The following RNF224 variants were observed in gnomAD, a reference collection of about 807,000 sequenced individuals.
RNF224 encodes the protein ring finger protein 224.
RNF224 carries 1 observed loss-of-function variant against 2.9 expected under a neutral mutation model. That is an observed-to-expected ratio of 0.35 (90% CI 0.12 to 1.66). RNF224 has a LOEUF of 1.66. RNF224 is among the 40% of genes most tolerant of loss of function. RNF224 has a pLI of 0.35. For missense variants in RNF224, 254 were observed against 221.8 expected (o/e 1.15, Z -0.92); for synonymous variants, 116 against 97.6 (o/e 1.19, Z -1.11).
Position 137,229,242 on chromosome 9 carries a change from A to G in RNF224, c.*156A>G, listed in dbSNP as rs1429096213. The G allele has an allele frequency of 6.6e-6, 4 of 604,654 alleles. No homozygotes were observed. Among genetic ancestry groups the G allele is most frequent in the African/African-American group, 5.6e-5 (3 of 53,984 alleles). 37.5% of individuals were successfully genotyped at this position (604,654 alleles called of 1,614,324 possible). A position where few individuals can be genotyped will look rare whatever the true frequency, so the allele number is the denominator to read the frequency against. ...GGGTGGTGTCATCCCAGCCGTGAAC[A>G]TCCCAGGCCACAGCCTAAGGTTGGG... On this transcript the variant is annotated 3_prime_UTR_variant, in exon 3 of 3. Coordinates refer to ENST00000445101, the MANE Select transcript of RNF224 (RefSeq NM_001190228.2).
chr9:137,228,426 G>C, intron 2 of RNF224, 85 bp downstream of exon 2: 1 of 1,309,650 alleles, frequency 7.6e-7, no homozygotes, highest in Non-Finnish European at 1.0e-6. Context: ...GAGGCTGCCC[G>C]GCTGGTGCCC....
rs1299971441 is a variant in RNF224, at chr9:137,228,708, T to C, written c.93T>C (p.Tyr31=). Reference sequence around the variant, plus strand: ...ACTGCATCATCTGCTGCTCGGCCTATGACCTCTCCGGGCACCTGCCCCGCC... The same window carrying C: ...ACTGCATCATCTGCTGCTCGGCCTACGACCTCTCCGGGCACCTGCCCCGCC... ...RTDCIICCSA[Y]DLSGHLPRRL... Residue 31 remains tyrosine (Y), a synonymous_variant, in exon 3 of 3, where the codon TAT becomes TAC. Coordinates refer to ENST00000445101, the MANE Select transcript of RNF224 (RefSeq NM_001190228.2). 1.3e-6 allele frequency: 2 copies of C among 1,526,722 alleles called. No homozygotes were observed. Among genetic ancestry groups the C allele is most frequent in the Non-Finnish European group, 1.8e-6 (2 of 1,141,124 alleles). 94.6% of individuals were successfully genotyped at this position (1,526,722 alleles called of 1,614,324 possible). A position where few individuals can be genotyped will look rare whatever the true frequency, so the allele number is the denominator to read the frequency against.
At position 137,229,139 on chromosome 9, in the gene RNF224, C is replaced by T. The variant is rs977230445; in HGVS notation, c.*53C>T. ...GAAATGCCTGCCTTGGAACCCCTGA[C>T]CACACACCATCATGGGTTCAGCCCA... is the stretch of plus-strand genomic sequence containing the variant. On this transcript the variant is annotated 3_prime_UTR_variant, in exon 3 of 3. Transcript: ENST00000445101. 8 of 1,062,376 alleles carry T rather than the reference C, an allele frequency of 7.5e-6. No homozygotes were observed. The highest frequency in any genetic ancestry group is 2.6e-5 in the East Asian group (1 of 38,472). 65.8% of individuals were successfully genotyped at this position (1,062,376 alleles called of 1,614,324 possible). A position where few individuals can be genotyped will look rare whatever the true frequency, so the allele number is the denominator to read the frequency against.
chr9:137,228,827 G>A lies in RNF224; in HGVS notation c.212G>A (p.Arg71His), dbSNP rs941378560. The A allele has an allele frequency of 7.8e-5, 119 of 1,535,392 alleles. No individual in the cohort carries two copies. The highest frequency in any genetic ancestry group is 1.7e-4 in the East Asian group (7 of 40,914). ...CGCTGGATCCCCTGTCCGCAGTGCC[G>A]TCAGAGCACGCCCACGCCTCGCGGA... The part of the protein sequence containing the change: ...EQRWIPCPQC[R>H]QSTPTPRGGV... The change falls in exon 3 of 3, where the codon CGT (arginine) becomes CAT (histidine). Residue 71 changes from arginine (R) to histidine (H), a missense_variant. Arg to His is a conservative substitution (Grantham distance 29, BLOSUM62 0). Transcript: ENST00000445101.
intron 1 of RNF224, 119 bp from the exon 2 acceptor site, chr9:137,228,033 A>G (rs28637190): frequency 0.81 from 350,299 of 433,426 alleles, 142,249 homozygotes; most frequent in East Asian, 0.92. Context: ...AAGAGTGGGG[A>G]AATGGACCCC....
intron 1 of RNF224, 106 bp from the exon 2 acceptor site, chr9:137,228,046 G>A: frequency 4.3e-6 from 2 of 469,806 alleles, no homozygotes; most frequent in Admixed American, 8.3e-5. Flanking sequence ...TGGACCCCAA[G>A]GCCAGCCTGG....
Position 137,229,044 on chromosome 9 carries a change from TGGCAGCCTCTGCTGCCCACCCCTA to T in RNF224, c.437_460del (p.Leu146_Ser153del). On this transcript the variant is annotated inframe_deletion, in exon 3 of 3. Transcript: ENST00000445101. ...AGCCCAGATACTGCTGCTGGGGCTG[TGGCAGCCTCTGCTGCCCACCCCTA>T]GGCAGCCCCGAGGTCTGAACTCTGG... The T allele has an allele frequency of 4.6e-6, 7 of 1,533,736 alleles. No individual in the cohort carries two copies. The highest frequency in any genetic ancestry group is 2.0e-5 in the Admixed American group (1 of 50,968).
Position 137,229,125 on chromosome 9 carries a change from C to A in RNF224, c.*39C>A. The A allele has an allele frequency of 8.3e-7, 1 of 1,207,480 alleles. No homozygotes were observed. Among genetic ancestry groups the A allele is most frequent in the Non-Finnish European group, 1.2e-6 (1 of 858,916 alleles). 74.8% of individuals were successfully genotyped at this position (1,207,480 alleles called of 1,614,324 possible). A position where few individuals can be genotyped will look rare whatever the true frequency, so the allele number is the denominator to read the frequency against. On this transcript the variant is annotated 3_prime_UTR_variant, in exon 3 of 3. Transcript: ENST00000445101. ...CCACCCCTGCAGGGGAAATGCCTGCCTTGGAACCCCTGACCACACACCATC... is the reference window on the plus strand; with the variant it reads ...CCACCCCTGCAGGGGAAATGCCTGCATTGGAACCCCTGACCACACACCATC...
At chr9:137,228,586 G>A (rs972261373) in intron 2 of RNF224, 36 bp from the exon 3 acceptor site, 71 of 1,406,402 alleles carry the variant, frequency 5.0e-5, no homozygotes, top group African/African-American at 1.3e-4. Flanking sequence ...GAAGGTCCTC[G>A]AGGCAGGCTG....
In RNF224 at chr9:137,228,450, G is replaced by A. The variant is rs930295808; in HGVS notation, c.6+109G>A. 5 of 1,189,194 alleles carry A rather than the reference G, an allele frequency of 4.2e-6. No individual in the cohort carries two copies. The African/African-American group carries it at 6.2e-5, about 15-fold the overall frequency. The allele number at this position is 1,189,194 out of a possible 1,614,324, so 73.7% of individuals were successfully genotyped here. A position where few individuals can be genotyped will look rare whatever the true frequency, so the allele number is the denominator to read the frequency against. On this transcript the variant is annotated intron_variant, in intron 2 of 2. Transcript: ENST00000445101. Reference sequence around the variant, plus strand: ...CGGCTGGTGCCCACATGAACCAGAAGTGTGCAGACCCTGGTTCTGCCTGTG... The same window carrying A: ...CGGCTGGTGCCCACATGAACCAGAAATGTGCAGACCCTGGTTCTGCCTGTG...
Position 137,228,635 on chromosome 9 carries a change from G to C in RNF224, c.20G>C (p.Gly7Ala). The change falls in exon 3 of 3, where the codon GGA becomes GCA. Residue 7 changes from glycine to alanine, a missense_variant. Gly to Ala is a moderately conservative substitution (Grantham distance 60). Coordinates refer to ENST00000445101, the MANE Select transcript of RNF224 (RefSeq NM_001190228.2). ...TCCCTCTGGCAGGATGCTGCAGCCG[G>C]AGGGCCCCCAGGCCTCGGAGGAGGG... The part of the protein sequence containing the change: MQDAAA[G>A]GPPGLGGGGP... The C allele has an allele frequency of 7.6e-6, 11 of 1,441,914 alleles. No homozygotes were observed. Among genetic ancestry groups the C allele is most frequent in the Middle Eastern group, 2.4e-4 (1 of 4,138 alleles). The allele number at this position is 1,441,914 out of a possible 1,614,324, so 89.3% of individuals were successfully genotyped here. A position where few individuals can be genotyped will look rare whatever the true frequency, so the allele number is the denominator to read the frequency against.
chr9:137,229,349 T>C lies in RNF224; in HGVS notation c.*263T>C. 1 of 537,740 alleles carries C rather than the reference T, an allele frequency of 1.9e-6. No individual in the cohort carries two copies. The highest frequency in any genetic ancestry group is 3.4e-6 in the Non-Finnish European group (1 of 298,004). The allele number at this position is 537,740 out of a possible 1,614,324, so 33.3% of individuals were successfully genotyped here. On this transcript the variant is annotated 3_prime_UTR_variant, in exon 3 of 3. Transcript: ENST00000445101. Reference sequence around the variant, plus strand: ...CAGACCCCAGACTAGCCCGACCGGATGTGCCTGGTGAGGACACTGCTGTCT... The same window carrying C: ...CAGACCCCAGACTAGCCCGACCGGACGTGCCTGGTGAGGACACTGCTGTCT...
At position 137,229,214 on chromosome 9, in the gene RNF224, G is replaced by C. The variant is rs1298183701; in HGVS notation, c.*128G>C. 1.6e-6 allele frequency: 1 copy of C among 628,332 alleles called. No individual in the cohort carries two copies. The highest frequency in any genetic ancestry group is 1.8e-5 in the African/African-American group (1 of 54,612). The allele number at this position is 628,332 out of a possible 1,614,324, so 38.9% of individuals were successfully genotyped here. The stretch of plus-strand genomic sequence containing the variant: ...CCTATACGCAGCTTCGTGTGGCCCA[G>C]CAGGGTGGTGTCATCCCAGCCGTGA... On this transcript the variant is annotated 3_prime_UTR_variant, in exon 3 of 3. Transcript: ENST00000445101.
Position 137,228,180 on chromosome 9 carries a change from C to G in RNF224, c.-156C>G. The G allele has an allele frequency of 1.5e-6, 1 of 653,136 alleles. No individual in the cohort carries two copies. The highest frequency in any genetic ancestry group is 1.8e-5 in the South Asian group (1 of 54,482). The allele number at this position is 653,136 out of a possible 1,614,324, so 40.5% of individuals were successfully genotyped here. ...TAGTTTCAAGGCTTTGTGGCTGAAA[C>G]GGGAGCCCACGCCCGCCACAGCTGG... is the stretch of plus-strand genomic sequence containing the variant. On this transcript the variant is annotated 5_prime_UTR_variant, in exon 2 of 3. Transcript: ENST00000445101.
intron 2 of RNF224, 138 bp downstream of exon 2, chr9:137,228,479 G>A (rs936485164): frequency 1.5e-5 from 16 of 1,085,030 alleles, no homozygotes; most frequent in South Asian, 5.0e-5. Flanking sequence ...GCCTGTGCCC[G>A]GTGCCACGCT....
intron 1 of RNF224, 111 bp downstream of exon 1, chr9:137,227,972 G>A (rs1468082590): frequency 3.3e-5 from 9 of 276,836 alleles, no homozygotes; most frequent in Middle Eastern, 9.9e-4. Context: ...GAGGGGAGAG[G>A]TGAGGGAGGT....
rs1456437084 is a variant in RNF224 at position 137,228,987 on chromosome 9, C to T, written c.372C>T (p.Cys124=). 1.3e-6 allele frequency: 2 copies of T among 1,535,338 alleles called. No individual in the cohort carries two copies. Among genetic ancestry groups the T allele is most frequent in the Non-Finnish European group, 1.7e-6 (2 of 1,146,610 alleles). ...TCACTCGGCAGCCAGCTGGGCTGTG[C>T]CCTGCCCTGGGACCCCAGCCCCACT... ...SAITRQPAGL[C]PALGPQPHFP... is the part of the protein sequence containing the mutation. The change falls in exon 3 of 3, where the codon TGC becomes TGT. Residue 124 remains cysteine (C), a synonymous_variant. Coordinates refer to ENST00000445101, the MANE Select transcript of RNF224 (RefSeq NM_001190228.2).
At position 137,229,256 on chromosome 9, in the gene RNF224, C is replaced by G; in HGVS notation, c.*170C>G. The G allele has an allele frequency of 1.7e-6, 1 of 599,764 alleles. No individual in the cohort carries two copies. Among genetic ancestry groups the G allele is most frequent in the Non-Finnish European group, 3.0e-6 (1 of 336,862 alleles). 37.2% of individuals were successfully genotyped at this position (599,764 alleles called of 1,614,324 possible). ...CAGCCGTGAACATCCCAGGCCACAG[C>G]CTAAGGTTGGGGGCTGGGAGGCTCC... is the stretch of plus-strand genomic sequence containing the variant. On this transcript the variant is annotated 3_prime_UTR_variant, in exon 3 of 3. Transcript: ENST00000445101.
chr9:137,229,455 C>A lies in RNF224; in HGVS notation c.*369C>A. On this transcript the variant is annotated 3_prime_UTR_variant, in exon 3 of 3. Transcript: ENST00000445101. ...GAGGATGCGAAGGCGTCCCGGGGGCCTGGGCTGCAGGCTGGAGGGGCAGGG... is the reference window on the plus strand; with the variant it reads ...GAGGATGCGAAGGCGTCCCGGGGGCATGGGCTGCAGGCTGGAGGGGCAGGG... The A allele has an allele frequency of 3.7e-6, 1 of 270,750 alleles. No individual in the cohort carries two copies. Among genetic ancestry groups the A allele is most frequent in the South Asian group, 5.1e-5 (1 of 19,472 alleles). 16.8% of individuals were successfully genotyped at this position (270,750 alleles called of 1,614,324 possible).
Sources: gnomAD v4.1 joint callset for allele counts on GRCh38, gnomAD v4.1.1 for gene constraint, MANE v1.5 for transcripts, NCBI Gene and HGNC (gene_info 2026-07-23, HGNC 2026-07-21) for gene names.